The following KIF14 variants were observed in gnomAD, a reference collection of about 807,000 sequenced individuals.
KIF14 encodes the protein kinesin family member 14.
A neutral mutation model predicts 176.2 loss-of-function variants in KIF14; 98 were observed. The ratio of observed to expected loss-of-function variants is 0.56; its 90% CI spans 0.47 to 0.66. The LOEUF (loss-of-function observed/expected upper bound fraction) is 0.66, where lower values mean the gene tolerates loss of function less well. KIF14 is among the 30% of genes least tolerant of loss of function. KIF14 has a pLI of 0.00. For synonymous variants in KIF14, 566 were observed against 632.2 expected (o/e 0.90, Z 1.57); for missense variants, 1,751 against 1,920.4 (o/e 0.91, Z 1.65).
At chr1:200,599,936 A>G in intron 13 of KIF14, 114 bp downstream of exon 13, 1 of 652,912 alleles carries the variant, frequency 1.5e-6, no homozygotes, top group Non-Finnish European at 2.7e-6. Flanking sequence ...GTACAGAGTC[A>G]GTATATAGTA....
chr1:200,558,095 A>G (rs765684114), intron 27 of KIF14, among the ~76,000 whole-genome samples: 1 of 152,168 alleles, frequency 6.6e-6, no homozygotes, highest in South Asian at 2.1e-4. Context: ...AGCTGGTACT[A>G]CAGATGCATG....
In KIF14 at chr1:200,578,463, A is replaced by G; in HGVS notation, c.3465+1791T>C. ...TAGCAATGCAACAATACATGTTGCAACTATTTTAGGGATAATTTATGGATA... is the reference window on the plus strand; with the variant it reads ...TAGCAATGCAACAATACATGTTGCAGCTATTTTAGGGATAATTTATGGATA... On this transcript the variant is annotated intron_variant, in intron 21 of 29. Coordinates refer to ENST00000367350, the MANE Select transcript of KIF14 (RefSeq NM_014875.3). Among the ~76,000 whole-genome samples, 2 of 152,300 alleles carry G rather than the reference A, an allele frequency of 1.3e-5. 1 individual carries two copies. The highest frequency in any genetic ancestry group is 4.1e-4 in the South Asian group (2 of 4,830).
rs1659473943 is a variant in KIF14, at chr1:200,598,493, G to A, written c.2365-72C>T. ...TTGTTAAATTCACCTAAAACAAATG[G>A]TCTATATTAAACATTAAAACAATTC... On this transcript the variant is annotated intron_variant, in intron 13 of 29. Coordinates refer to ENST00000367350, the MANE Select transcript of KIF14 (RefSeq NM_014875.3). The A allele has an allele frequency of 2.8e-6, 3 of 1,089,878 alleles. No individual in the cohort carries two copies. In the South Asian group the frequency reaches 4.6e-5, roughly 17 times the overall value. The allele number at this position is 1,089,878 out of a possible 1,614,324, so 67.5% of individuals were successfully genotyped here. A position where few individuals can be genotyped will look rare whatever the true frequency, so the allele number is the denominator to read the frequency against.
Position 200,554,580 on chromosome 1 carries a change from T to C in KIF14, c.4455A>G (p.Glu1485=), listed in dbSNP as rs761847126. ...TGAAATCTTGGTATTCAAAGTTTTC[T>C]TCTTGTACTTGCCTTCTGAAACTTT... The part of the protein sequence containing the change: ...KIKSFRRQVQ[E]ENFEYQDFKR... Residue 1485 remains glutamate (E), a synonymous_variant, in exon 29 of 30, where the codon GAA becomes GAG. Coordinates refer to ENST00000367350, the MANE Select transcript of KIF14 (RefSeq NM_014875.3). 2 of 1,535,740 alleles carry C rather than the reference T, an allele frequency of 1.3e-6. No individual in the cohort carries two copies. Among genetic ancestry groups the C allele is most frequent in the African/African-American group, 2.7e-5 (2 of 72,776 alleles).
rs575074293 is a variant in KIF14 at position 200,614,549 on chromosome 1, C to T, written c.1368-144G>A. On this transcript the variant is annotated intron_variant, in intron 3 of 29. Transcript: ENST00000367350. ...ATCTGGACTCTGGAGTCAAATCTGC[C>T]TGAGTCCAAATCTTGACTCCAAGAT... 1.8e-4 allele frequency: 103 copies of T among 585,642 alleles called. No homozygotes were observed. In the Middle Eastern group the frequency reaches 5.4e-3, roughly 31 times the overall value. 36.3% of individuals were successfully genotyped at this position (585,642 alleles called of 1,614,324 possible).
intron 19 of KIF14, among the ~76,000 whole-genome samples, chr1:200,585,428 AAAC>A (rs1326780680): frequency 6.6e-5 from 10 of 152,214 alleles, no homozygotes; most frequent in African/African-American, 2.2e-4. Flanking sequence ...GTGAAAAAGA[AAAC>A]AACGTAATCC....
intron 29 of KIF14, 21 bp downstream of exon 29, chr1:200,554,447 A>AC (rs1272434020): frequency 4.8e-6 from 7 of 1,446,928 alleles, no homozygotes; most frequent in Non-Finnish European, 6.7e-6. Flanking sequence ...CTGATTATAA[A>AC]CTCCATTTGG....
chr1:200,596,365 T>A (rs1258814328), intron 14 of KIF14, among the ~76,000 whole-genome samples: 1 of 152,144 alleles, frequency 6.6e-6, no homozygotes, highest in Non-Finnish European at 1.5e-5. Flanking sequence ...CACTACAGAT[T>A]CCAAAAGAAG....
chr1:200,604,463 C>G (rs1026437308), intron 8 of KIF14, among the ~76,000 whole-genome samples: 3 of 151,882 alleles, frequency 2.0e-5, no homozygotes, highest in Non-Finnish European at 4.4e-5. Context: ...ATAGATTATG[C>G]CAAAATTAAA....
intron 15 of KIF14, among the ~76,000 whole-genome samples, chr1:200,593,002 T>A (rs560161774): frequency 6.6e-6 from 1 of 152,142 alleles, no homozygotes; most frequent in South Asian, 2.1e-4. Context: ...GCCCAAAACA[T>A]CATTATGAAG....
In KIF14 at chr1:200,605,160, T is replaced by C. The variant is rs112725399; in HGVS notation, c.1746+123A>G. 730 of 886,672 alleles carry C rather than the reference T, an allele frequency of 8.2e-4. 5 individuals carry two copies. In the African/African-American group the frequency reaches 0.011, roughly 13 times the overall value. 54.9% of individuals were successfully genotyped at this position (886,672 alleles called of 1,614,324 possible). A position where few individuals can be genotyped will look rare whatever the true frequency, so the allele number is the denominator to read the frequency against. ...ATCTTGCCTGTGGAAAAAAAATACC[T>C]TGGTCTGGGTGATCACCAGGGTGAA... On this transcript the variant is annotated intron_variant, in intron 8 of 29. Transcript: ENST00000367350.
chr1:200,575,885 G>T (rs548768031), intron 21 of KIF14, among the ~76,000 whole-genome samples, 194 bp from the exon 22 acceptor site: 1 of 152,058 alleles, frequency 6.6e-6, no homozygotes, highest in Non-Finnish European at 1.5e-5. Flanking sequence ...GATATTAAAA[G>T]ACATCTACTT....
intron 19 of KIF14, among the ~76,000 whole-genome samples, chr1:200,581,573 T>A (rs1233549070): frequency 1.3e-5 from 2 of 151,992 alleles, no homozygotes; most frequent in African/African-American, 4.8e-5. Flanking sequence ...AGAAAAAAAT[T>A]TTTTTTCTAA....
chr1:200,614,511 C>G (rs1182358790), intron 3 of KIF14, 106 bp from the exon 4 acceptor site: 1 of 641,456 alleles, frequency 1.6e-6, no homozygotes, highest in East Asian at 2.8e-5. Flanking sequence ...TTCACTGAAT[C>G]TCATAATTAA....
At chr1:200,617,576 A>C in intron 2 of KIF14, 36 bp downstream of exon 2, 2 of 1,554,502 alleles carry the variant, frequency 1.3e-6, no homozygotes, top group Non-Finnish European at 1.7e-6. Flanking sequence ...CTTACATGTA[A>C]CTGCTTGGCT....
In KIF14 at chr1:200,617,964, A is replaced by T. The variant is rs751598114; in HGVS notation, c.760T>A (p.Leu254Met). ...TCCTTCCCAATACTTCTATGATACAAGTTTCCTGTTCCCAACACTTTGATA... is the reference window on the plus strand; with the variant it reads ...TCCTTCCCAATACTTCTATGATACATGTTTCCTGTTCCCAACACTTTGATA... Reference protein sequence around the residue: ...LDIKVLGTGNLYHRSIGKEIA... With the variant: ...LDIKVLGTGNMYHRSIGKEIA... Residue 254 changes from leucine (L) to methionine (M), a missense_variant, in exon 2 of 30, where the codon TTG (leucine) becomes ATG (methionine). By Grantham distance (15) the Leu-to-Met change is conservative. Coordinates refer to ENST00000367350, the MANE Select transcript of KIF14 (RefSeq NM_014875.3). The T allele has an allele frequency of 6.2e-7, 1 of 1,614,006 alleles. No homozygotes were observed. The highest frequency in any genetic ancestry group is 8.5e-7 in the Non-Finnish European group (1 of 1,180,000).
intron 3 of KIF14, among the ~76,000 whole-genome samples, chr1:200,614,811 A>G (rs1660328914): frequency 6.6e-6 from 1 of 151,340 alleles, no homozygotes; most frequent in African/African-American, 2.4e-5. Context: ...AAAAAAAAAA[A>G]AAAAAAAGAA....
At position 200,577,728 on chromosome 1, in the gene KIF14, G is replaced by T. The variant is rs559519851; in HGVS notation, c.3466-2037C>A. 5.3e-4 allele frequency among the ~76,000 whole-genome samples: 80 copies of T among 151,420 alleles called. 1 individual carries two copies. Among genetic ancestry groups the T allele is most frequent in the Non-Finnish European group, 8.4e-4 (57 of 67,840 alleles). Reference sequence around the variant, plus strand: ...AAAAGAAAAAAAGAAAAAAAAAAAAGAAGATTGGTTGGTAATTCTCTTCTG... The same window carrying T: ...AAAAGAAAAAAAGAAAAAAAAAAAATAAGATTGGTTGGTAATTCTCTTCTG... On this transcript the variant is annotated intron_variant, in intron 21 of 29. Transcript: ENST00000367350.
In KIF14 at chr1:200,600,517, C is replaced by A. The variant is rs756067369; in HGVS notation, c.2153-14G>T. On this transcript the variant is annotated splice_polypyrimidine_tract_variant and intron_variant, in intron 11 of 29. Transcript: ENST00000367350. The stretch of plus-strand genomic sequence containing the variant: ...CTGCCTTCAATTCTGAAGATTTATA[C>A]AAAGATGCATTAATAATAACATTTA... The A allele has an allele frequency of 1.3e-6, 2 of 1,580,618 alleles. No homozygotes were observed. The highest frequency in any genetic ancestry group is 1.7e-6 in the Non-Finnish European group (2 of 1,150,364).
Sources: gnomAD v4.1 joint callset for allele counts (sites outside exome capture counted in the v4.1 genomes callset) on GRCh38, gnomAD v4.1.1 for gene constraint, MANE v1.5 for transcripts, NCBI Gene and HGNC (gene_info 2026-07-23, HGNC 2026-07-21) for gene names.